The following KALRN variants were observed in gnomAD, a reference collection of about 807,000 sequenced individuals.
KALRN encodes the protein kalirin RhoGEF kinase.
KALRN carries 70 observed loss-of-function variants against 353.7 expected under a neutral mutation model. The ratio of observed to expected loss-of-function variants is 0.20; its 90% CI spans 0.16 to 0.24. The LOEUF is 0.24. Ranked by LOEUF, KALRN falls within the 10% of genes least tolerant of loss-of-function variation. The probability of loss-of-function intolerance (pLI) is 1.00; values close to 1 mark genes in which losing one functional copy is unlikely to be tolerated. For missense variants in KALRN, 2,791 were observed against 3,756.7 expected (o/e 0.74, Z 6.72); for synonymous variants, 1,391 against 1,434.8 (o/e 0.97, Z 0.69).
At chr3:124,108,340 G>A (rs1288819028) in intron 1 of KALRN, among the ~76,000 whole-genome samples, 1 of 152,132 alleles carries the variant, frequency 6.6e-6, no homozygotes, top group African/African-American at 2.4e-5. Context: ...TCTCCTCCAG[G>A]AAAATGTATT....
chr3:124,294,282 G>A (rs1219042263), intron 5 of KALRN, among the ~76,000 whole-genome samples: 1 of 151,838 alleles, frequency 6.6e-6, no homozygotes, highest in Non-Finnish European at 1.5e-5. Context: ...GAGGCAGGGC[G>A]GTGTCCCCAA....
At chr3:124,527,342 G>C (rs1331178743) in intron 33 of KALRN, among the ~76,000 whole-genome samples, 1 of 152,126 alleles carries the variant, frequency 6.6e-6, no homozygotes, top group East Asian at 1.9e-4. Flanking sequence ...GGGCATGGTG[G>C]CTCACACCTG....
In KALRN at chr3:124,671,822, C is replaced by T. The variant is rs574388819; in HGVS notation, c.6866C>T (p.Pro2289Leu). Residue 2289 changes from proline to leucine, a missense_variant, in exon 48 of 60, where the codon CCC becomes CTC. By Grantham distance (98) the Pro-to-Leu change is moderately conservative (BLOSUM62 -3). Transcript: ENST00000682506. ...TCCAGCTATAACCCACCTCTGCCTC[C>T]CCTGAAGATATCTACCTCCAATGGC... ...KGSSYNPPLP[P>L]LKISTSNGSP... 1.9e-6 allele frequency: 3 copies of T among 1,614,218 alleles called. No homozygotes were observed. The highest frequency in any genetic ancestry group is 1.7e-5 in the Admixed American group (1 of 60,018).
chr3:124,662,841 G>A (rs2085069306), intron 45 of KALRN, among the ~76,000 whole-genome samples: 1 of 152,218 alleles, frequency 6.6e-6, no homozygotes, highest in African/African-American at 2.4e-5. Context: ...CCTGAGAGCT[G>A]TGAGGGAGGG....
chr3:124,602,946 T>TGTTGTTG (rs1306270170), intron 34 of KALRN, among the ~76,000 whole-genome samples: 3 of 151,522 alleles, frequency 2.0e-5, no homozygotes, highest in Non-Finnish European at 2.9e-5. Flanking sequence ...CGTGGTTTTT[T>TGTTGTTG]TTTTGTTGTT....
chr3:124,274,965 G>A (rs1344692704), intron 5 of KALRN, among the ~76,000 whole-genome samples: 1 of 152,160 alleles, frequency 6.6e-6, no homozygotes, highest in Non-Finnish European at 1.5e-5. Flanking sequence ...TTGTCCTGGG[G>A]TGACACGTAT....
chr3:124,074,317 G>C (rs1404633851), intron 1 of KALRN, among the ~76,000 whole-genome samples: 1 of 152,252 alleles, frequency 6.6e-6, no homozygotes, highest in Non-Finnish European at 1.5e-5. Flanking sequence ...TAAAGCTGGA[G>C]TTCCATGCAT....
chr3:124,188,509 T>C (rs1284608146), intron 1 of KALRN, among the ~76,000 whole-genome samples: 1 of 152,210 alleles, frequency 6.6e-6, no homozygotes, highest in Non-Finnish European at 1.5e-5. Flanking sequence ...GCACCCAGAT[T>C]ACTCACTTAA....
chr3:124,156,229 C>T (rs891453949), intron 1 of KALRN, among the ~76,000 whole-genome samples: 2 of 152,196 alleles, frequency 1.3e-5, no homozygotes, highest in African/African-American at 4.8e-5. Context: ...TGGGGCTGAC[C>T]CGAAAGTCTT....
At chr3:124,129,966 T>A (rs1364884491) in intron 1 of KALRN, among the ~76,000 whole-genome samples, 3 of 152,230 alleles carry the variant, frequency 2.0e-5, no homozygotes, top group Non-Finnish European at 2.9e-5. Context: ...TAACAGAATA[T>A]GTGCTTTATA....
chr3:124,333,836 C>T (rs559955207), intron 8 of KALRN, among the ~76,000 whole-genome samples: 5 of 152,162 alleles, frequency 3.3e-5, no homozygotes, highest in South Asian at 2.1e-4. Flanking sequence ...TGCAGTGAGC[C>T]GAGATCGCAC....
At chr3:124,209,216 A>G (rs953084242) in intron 1 of KALRN, among the ~76,000 whole-genome samples, 1 of 152,068 alleles carries the variant, frequency 6.6e-6, no homozygotes, top group Non-Finnish European at 1.5e-5. Flanking sequence ...ATTAGAACTC[A>G]TGTCTGGGCC....
chr3:124,142,331 C>G (rs1304773262), intron 1 of KALRN, among the ~76,000 whole-genome samples: 1 of 152,204 alleles, frequency 6.6e-6, no homozygotes, highest in Non-Finnish European at 1.5e-5. Flanking sequence ...TGTCTCTGTA[C>G]CCAGCCAACA....
intron 51 of KALRN, among the ~76,000 whole-genome samples, chr3:124,692,854 C>G (rs759537993): frequency 4.6e-5 from 7 of 152,188 alleles, no homozygotes; most frequent in Non-Finnish European, 7.3e-5. Flanking sequence ...TCTCCAAAGT[C>G]CGTGCTTTTT....
intron 51 of KALRN, among the ~76,000 whole-genome samples, chr3:124,693,072 C>T (rs1578983971): frequency 6.6e-6 from 1 of 152,216 alleles, no homozygotes; most frequent in Non-Finnish European, 1.5e-5. Context: ...TCCCTTGAAC[C>T]AGCCTTGTGA....
intron 13 of KALRN, among the ~76,000 whole-genome samples, chr3:124,405,879 C>G (rs1348771838): frequency 6.6e-6 from 1 of 152,068 alleles, no homozygotes; most frequent in Non-Finnish European, 1.5e-5. Context: ...CTCCTGACCT[C>G]GTGATCCGCC....
intron 9 of KALRN, among the ~76,000 whole-genome samples, chr3:124,343,677 C>T (rs371487315): frequency 6.6e-6 from 1 of 152,202 alleles, no homozygotes; most frequent in South Asian, 2.1e-4. Flanking sequence ...TACTCTCTCT[C>T]AGATCTCAGC....
intron 7 of KALRN, among the ~76,000 whole-genome samples, chr3:124,329,597 A>G (rs1351626966): frequency 2.0e-5 from 3 of 152,090 alleles, no homozygotes; most frequent in Non-Finnish European, 4.4e-5. Flanking sequence ...TAACCTATTG[A>G]ACATCTGATG....
At chr3:124,312,975 G>A (rs1580826929) in intron 6 of KALRN, among the ~76,000 whole-genome samples, 1 of 152,342 alleles carries the variant, frequency 6.6e-6, no homozygotes, top group East Asian at 1.9e-4. Flanking sequence ...CACAGTGTCT[G>A]TCACCAACCC....
Sources: gnomAD v4.1 joint callset for allele counts (sites outside exome capture counted in the v4.1 genomes callset) on GRCh38, gnomAD v4.1.1 for gene constraint, MANE v1.5 for transcripts, NCBI Gene and HGNC (gene_info 2026-07-23, HGNC 2026-07-21) for gene names.